GPC5: variants seen among roughly 807,000 people sequenced by gnomAD.
GPC5 encodes the protein glypican 5.
In GPC5, 47 loss-of-function variants were observed where a neutral mutation model predicts 53.9. The ratio of observed to expected loss-of-function variants is 0.87; its 90% CI spans 0.69 to 1.11. The LOEUF is 1.11. GPC5 is among the 50% of genes most tolerant of loss of function. The pLI is 0.00. For missense variants in GPC5, 748 were observed against 713.1 expected (o/e 1.05, Z -0.56); for synonymous variants, 286 against 263.3 (o/e 1.09, Z -0.84).
At chr13:92,634,307 G>A (rs1885347585) in intron 7 of GPC5, among the ~76,000 whole-genome samples, 1 of 152,054 alleles carries the variant, frequency 6.6e-6, no homozygotes, top group African/African-American at 2.4e-5. Flanking sequence ...TGTTCCTGAA[G>A]TTTGGATAGG....
Position 92,811,703 on chromosome 13 carries a change from C to T in GPC5, c.1562-54579C>T, listed in dbSNP as rs555099556. 4.3e-4 allele frequency among the ~76,000 whole-genome samples: 66 copies of T among 151,814 alleles called. 2 individuals are homozygous for T. The highest frequency in any genetic ancestry group is 1.6e-3 in the African/African-American group (64 of 41,290). Reference sequence around the variant, plus strand: ...AAACTCAAATTCAAGAAGATATTCCCCTATATTTTTTTCTAAGAGATTTAT... The same window carrying T: ...AAACTCAAATTCAAGAAGATATTCCTCTATATTTTTTTCTAAGAGATTTAT... On this transcript the variant is annotated intron_variant, in intron 7 of 7. Coordinates refer to ENST00000377067, the MANE Select transcript of GPC5 (RefSeq NM_004466.6).
chr13:91,651,653 G>A (rs58927659), intron 2 of GPC5, among the ~76,000 whole-genome samples: 9,767 of 151,038 alleles, frequency 0.065, 1,054 homozygotes, highest in African/African-American at 0.23. Flanking sequence ...GGGAGGCGGA[G>A]GTTGCAGTGA....
chr13:92,637,055 G>A (rs1885430027), intron 7 of GPC5, among the ~76,000 whole-genome samples: 1 of 151,944 alleles, frequency 6.6e-6, no homozygotes, highest in Non-Finnish European at 1.5e-5. Flanking sequence ...TTTAATCCAT[G>A]ACCACCTCCC....
chr13:92,348,376 G>T (rs2043445908), intron 7 of GPC5, among the ~76,000 whole-genome samples: 1 of 151,826 alleles, frequency 6.6e-6, no homozygotes, highest in African/African-American at 2.4e-5. Context: ...TTATCAAGAG[G>T]ATATAATAAT....
At chr13:91,413,456 T>C (rs542865696) in intron 1 of GPC5, among the ~76,000 whole-genome samples, 8 of 152,338 alleles carry the variant, frequency 5.3e-5, no homozygotes, top group Admixed American at 1.3e-4. Flanking sequence ...ATAGAATTCG[T>C]TGGAGAAAAA....
intron 6 of GPC5, among the ~76,000 whole-genome samples, chr13:91,915,439 A>ATGGGAT (rs1448550801): frequency 1.3e-5 from 2 of 152,124 alleles, no homozygotes; most frequent in Non-Finnish European, 2.9e-5. Context: ...TTTTAAAGTA[A>ATGGGAT]TGGGATTGGG....
At chr13:92,560,857 A>ATATGTG (rs1555290505) in intron 7 of GPC5, among the ~76,000 whole-genome samples, 1 of 139,152 alleles carries the variant, frequency 7.2e-6, no homozygotes, top group Non-Finnish European at 1.6e-5. Context: ...AGAAAATTAT[A>ATATGTG]TGTGTGTGTG....
chr13:91,971,953 G>A (rs61966390), intron 6 of GPC5, among the ~76,000 whole-genome samples: 1,553 of 152,252 alleles, frequency 0.01, 12 homozygotes, highest in Non-Finnish European at 0.019. Flanking sequence ...TTGATTTGGG[G>A]TGGAGAGTTC....
At chr13:92,224,510 T>A in intron 7 of GPC5, among the ~76,000 whole-genome samples, 1 of 152,238 alleles carries the variant, frequency 6.6e-6, no homozygotes, top group Non-Finnish European at 1.5e-5. Flanking sequence ...CCCTTGCCTG[T>A]CTTCTGTTAA....
intron 7 of GPC5, among the ~76,000 whole-genome samples, chr13:92,775,525 A>C (rs989589470): frequency 6.6e-6 from 1 of 152,192 alleles, no homozygotes; most frequent in Non-Finnish European, 1.5e-5. Context: ...TTTAAAGGTA[A>C]CACTAGAACT....
intron 1 of GPC5, among the ~76,000 whole-genome samples, chr13:91,438,789 G>C (rs925852975): frequency 2.6e-5 from 4 of 152,226 alleles, no homozygotes; most frequent in African/African-American, 9.6e-5. Flanking sequence ...AGGGCTGCTT[G>C]AGCTGCAGTG....
chr13:92,844,287 G>A (rs898292803), intron 7 of GPC5, among the ~76,000 whole-genome samples: 1 of 152,016 alleles, frequency 6.6e-6, no homozygotes, highest in Non-Finnish European at 1.5e-5. Context: ...TGAATTCAGT[G>A]ATATTTCTAC....
chr13:92,226,182 AC>A lies in GPC5; in HGVS notation c.1561+81197del, dbSNP rs936718306. On this transcript the variant is annotated intron_variant, in intron 7 of 7. Coordinates refer to ENST00000377067, the MANE Select transcript of GPC5 (RefSeq NM_004466.6). The stretch of plus-strand genomic sequence containing the variant: ...CCATGATTGTAAGTTTCATGAGTCC[AC>A]CCCAGCCATGCAGAACTGTGAGTCA... Among the ~76,000 whole-genome samples, 17 of 151,646 alleles carry A rather than the reference AC, an allele frequency of 1.1e-4. 1 individual carries two copies. The highest frequency in any genetic ancestry group is 1.0e-4 in the Non-Finnish European group (7 of 67,908).
chr13:92,670,059 G>A (rs12583849), intron 7 of GPC5, among the ~76,000 whole-genome samples: 20 of 151,854 alleles, frequency 1.3e-4, no homozygotes, highest in Non-Finnish European at 2.6e-4. Context: ...TGCTCACTAC[G>A]GATTTCCAGC....
At chr13:92,749,802 TA>T in intron 7 of GPC5, among the ~76,000 whole-genome samples, 1 of 152,274 alleles carries the variant, frequency 6.6e-6, no homozygotes, top group South Asian at 2.1e-4. Context: ...CAATTAAAAT[TA>T]AAAAGAAAAG....
chr13:92,814,020 T>C (rs1736754545), intron 7 of GPC5, among the ~76,000 whole-genome samples: 1 of 152,004 alleles, frequency 6.6e-6, no homozygotes, highest in Non-Finnish European at 1.5e-5. Flanking sequence ...GTGATACTGG[T>C]ATCAAGACAG....
At chr13:92,427,515 G>T (rs916371713) in intron 7 of GPC5, among the ~76,000 whole-genome samples, 13 of 151,630 alleles carry the variant, frequency 8.6e-5, no homozygotes, top group African/African-American at 3.2e-4. Flanking sequence ...ACAGCAGTTT[G>T]AATAAAAACA....
intron 7 of GPC5, among the ~76,000 whole-genome samples, chr13:92,605,790 G>A (rs1269451094): frequency 6.6e-6 from 1 of 150,918 alleles, no homozygotes; most frequent in Non-Finnish European, 1.5e-5. Context: ...TACACGGTTA[G>A]GACACCAAGG....
chr13:91,602,284 C>T (rs1471612841), intron 2 of GPC5, among the ~76,000 whole-genome samples: 2 of 152,206 alleles, frequency 1.3e-5, no homozygotes, highest in Non-Finnish European at 2.9e-5. Flanking sequence ...AAAAGTGAAT[C>T]ATTACTTATG....
Sources: gnomAD v4.1 joint callset for allele counts (sites outside exome capture counted in the v4.1 genomes callset) on GRCh38, gnomAD v4.1.1 for gene constraint, MANE v1.5 for transcripts, NCBI Gene and HGNC (gene_info 2026-07-23, HGNC 2026-07-21) for gene names.